Variants in SP100 observed in about 807,000 individuals in gnomAD.
SP100 encodes SP100 nuclear body protein.
Under a neutral mutation model 130.0 loss-of-function variants are expected in SP100, and 84 were observed. The observed-to-expected ratio is 0.65, with a 90% CI of 0.54 to 0.77. The LOEUF (loss-of-function observed/expected upper bound fraction) is 0.77, where lower values mean the gene tolerates loss of function less well. Ranked by LOEUF, SP100 falls within the 30% of genes least tolerant of loss-of-function variation. SP100 has a pLI of 0.00. For synonymous variants in SP100, 331 were observed against 351.7 expected (o/e 0.94, Z 0.66); for missense variants, 978 against 1,052.2 (o/e 0.93, Z 0.97).
rs996465965 is a variant in SP100, at chr2:230,516,110, G to A, written c.2094+4944G>A. On this transcript the variant is annotated intron_variant, in intron 24 of 28. Coordinates refer to ENST00000340126, the MANE Select transcript of SP100 (RefSeq NM_001080391.2). ...TTAAAAAACCGTATGAGGGAACTGTGTAGACAAGGTACCAGGTCAGTCTTC... is the reference window on the plus strand; with the variant it reads ...TTAAAAAACCGTATGAGGGAACTGTATAGACAAGGTACCAGGTCAGTCTTC... 14 of 979,140 alleles carry A rather than the reference G, an allele frequency of 1.4e-5. No homozygotes were observed. The East Asian group carries it at 1.5e-3, about 101-fold the overall frequency. 60.7% of individuals were successfully genotyped at this position (979,140 alleles called of 1,614,324 possible).
intron 18 of SP100, among the ~76,000 whole-genome samples, chr2:230,495,766 C>T (rs928998890): frequency 5.9e-5 from 9 of 152,120 alleles, no homozygotes; most frequent in Non-Finnish European, 1.3e-4. Flanking sequence ...TCTACTTATG[C>T]TTCTCTTGCA....
chr2:230,481,024 T>TTGGTGGTGGTGGTGGTGG (rs80161443), intron 17 of SP100, among the ~76,000 whole-genome samples: 1 of 144,222 alleles, frequency 6.9e-6, no homozygotes, highest in Non-Finnish European at 1.5e-5. Context: ...AGTGGTAGTA[T>TTGGTGGTGGTGGTGGTGG]TGGTGGTGGT....
At chr2:230,515,070 T>C (rs1294335575) in intron 24 of SP100, 4 of 1,610,892 alleles carry the variant, frequency 2.5e-6, no homozygotes, top group Admixed American at 1.7e-5. Context: ...TGTTATCATA[T>C]GCATTTTTTG....
At chr2:230,420,709 C>G (rs187232401) in intron 2 of SP100, among the ~76,000 whole-genome samples, 2 of 151,818 alleles carry the variant, frequency 1.3e-5, no homozygotes, top group Admixed American at 1.3e-4. Flanking sequence ...TTTATTAATT[C>G]GGTTATTAAT....
chr2:230,511,610 C>T (rs892379882), intron 24 of SP100, among the ~76,000 whole-genome samples: 1 of 151,964 alleles, frequency 6.6e-6, no homozygotes, highest in African/African-American at 2.4e-5. Flanking sequence ...CAGACCGAGC[C>T]GAGCTGGTGA....
intron 24 of SP100, among the ~76,000 whole-genome samples, chr2:230,525,652 T>C (rs894115962): frequency 2.6e-5 from 4 of 152,122 alleles, no homozygotes; most frequent in African/African-American, 7.2e-5. Flanking sequence ...GATTTCCCTT[T>C]CCTAGACAAG....
chr2:230,444,036 C>T, intron 3 of SP100, 142 bp from the exon 4 acceptor site: 2 of 629,064 alleles, frequency 3.2e-6, no homozygotes, highest in South Asian at 3.0e-5. Flanking sequence ...ACTGGCTATA[C>T]AAATAAGTAA....
chr2:230,465,987 C>G (rs1368736931), intron 11 of SP100, among the ~76,000 whole-genome samples: 2 of 151,898 alleles, frequency 1.3e-5, no homozygotes, highest in African/African-American at 4.8e-5. Flanking sequence ...GAGTTCGAGA[C>G]CAGTCTGACC....
intron 2 of SP100, among the ~76,000 whole-genome samples, chr2:230,438,080 T>C (rs1183284741): frequency 6.6e-6 from 1 of 152,206 alleles, no homozygotes; most frequent in African/African-American, 2.4e-5. Context: ...TTGCATACCA[T>C]AACTTGCTGA....
chr2:230,472,245 G>A (rs1033735296), intron 15 of SP100, among the ~76,000 whole-genome samples: 8 of 151,680 alleles, frequency 5.3e-5, no homozygotes, highest in African/African-American at 1.5e-4. Flanking sequence ...TGGCTAAAAC[G>A]GTGAAACCCC....
At chr2:230,519,101 A>G (rs1175523740) in intron 24 of SP100, among the ~76,000 whole-genome samples, 1 of 152,232 alleles carries the variant, frequency 6.6e-6, no homozygotes, top group Non-Finnish European at 1.5e-5. Context: ...GCCCTTAATG[A>G]GTGTAAAACA....
At chr2:230,475,964 G>T (rs2065523371) in intron 17 of SP100, among the ~76,000 whole-genome samples, 1 of 152,182 alleles carries the variant, frequency 6.6e-6, no homozygotes, top group African/African-American at 2.4e-5. Context: ...TAGAAGTTGG[G>T]CAACGCGATG....
At chr2:230,524,356 C>CAAAAAA (rs34536949) in intron 24 of SP100, among the ~76,000 whole-genome samples, 3 of 94,860 alleles carry the variant, frequency 3.2e-5, no homozygotes, top group African/African-American at 1.3e-4. Context: ...GATTCCATCT[C>CAAAAAA]AAAAAAAAAA....
intron 2 of SP100, among the ~76,000 whole-genome samples, chr2:230,431,972 A>G (rs1010661257): frequency 2.0e-5 from 3 of 152,184 alleles, no homozygotes. Flanking sequence ...TTGTGCAACC[A>G]TCATCACAAT....
rs1386869479 is a variant in SP100 at position 230,544,781 on chromosome 2, G to A, written c.*1835G>A. ...CAGGCATCAGCCACCATGCCCGGAT[G>A]AAAAGACACTTTCCAAAAGAAGATA... On this transcript the variant is annotated 3_prime_UTR_variant, in exon 29 of 29. Transcript: ENST00000340126. Among the ~76,000 whole-genome samples the A allele has an allele frequency of 1.3e-5, 2 of 152,180 alleles. No individual in the cohort carries two copies. The highest frequency in any genetic ancestry group is 2.9e-5 in the Non-Finnish European group (2 of 68,044).
At position 230,541,973 on chromosome 2, in the gene SP100, C is replaced by G. The variant is rs367587196; in HGVS notation, c.2485C>G (p.Arg829Gly). 13 of 1,613,924 alleles carry G rather than the reference C, an allele frequency of 8.1e-6. No individual in the cohort carries two copies. The highest frequency in any genetic ancestry group is 1.1e-5 in the Non-Finnish European group (13 of 1,179,956). The stretch of plus-strand genomic sequence containing the variant: ...AAGTTTGAATGAGCAGATGTACACC[C>G]GAGTAGAAGGGTTTGTGCAGGACAT... ...KTSLNEQMYTRVEGFVQDMRL... is the reference protein window; with the variant it reads ...KTSLNEQMYTGVEGFVQDMRL... The change falls in exon 28 of 29, where the codon CGA (arginine) becomes GGA (glycine). Residue 829 changes from arginine (R) to glycine (G), a missense_variant. Coordinates refer to ENST00000340126, the MANE Select transcript of SP100 (RefSeq NM_001080391.2).
In SP100 at chr2:230,443,455, A is replaced by G. The variant is rs1201213156; in HGVS notation, c.270+356A>G. ...TAAACTAAAACTTAAAAATAATTTT[A>G]ATGAAGTGATTTACTTGAAATAGCA... On this transcript the variant is annotated intron_variant, in intron 3 of 28. Coordinates refer to ENST00000340126, the MANE Select transcript of SP100 (RefSeq NM_001080391.2). Among the ~76,000 whole-genome samples, 14 of 152,366 alleles carry G rather than the reference A, an allele frequency of 9.2e-5. No individual in the cohort carries two copies. In the East Asian group the frequency reaches 2.7e-3, roughly 29 times the overall value.
chr2:230,519,713 T>TC (rs1356808869), intron 24 of SP100, among the ~76,000 whole-genome samples: 1 of 151,936 alleles, frequency 6.6e-6, no homozygotes, highest in Non-Finnish European at 1.5e-5. Context: ...CCATTTTTTT[T>TC]CCCCAGAATT....
chr2:230,479,957 CT>C (rs1188938613), intron 17 of SP100, among the ~76,000 whole-genome samples: 2 of 152,220 alleles, frequency 1.3e-5, no homozygotes, highest in African/African-American at 2.4e-5. Flanking sequence ...TACTCTCTGA[CT>C]TTTTGTCAGG....
Sources: gnomAD v4.1 joint callset for allele counts (sites outside exome capture counted in the v4.1 genomes callset) on GRCh38, gnomAD v4.1.1 for gene constraint, MANE v1.5 for transcripts, NCBI Gene and HGNC (gene_info 2026-07-23, HGNC 2026-07-21) for gene names.